Variants in ATXN1 observed in about 807,000 individuals in gnomAD.
ATXN1 encodes ataxin-1.
Under a neutral mutation model 56.4 loss-of-function variants are expected in ATXN1, and 8 were observed. The ratio of observed to expected loss-of-function variants is 0.14; its 90% CI spans 0.08 to 0.26. ATXN1 has a LOEUF of 0.26. ATXN1 is among the 10% of genes least tolerant of loss of function. The pLI is 1.00. For synonymous variants in ATXN1, 514 were observed against 494.6 expected (o/e 1.04, Z -0.52); for missense variants, 987 against 1,106.5 (o/e 0.89, Z 1.53).
chr6:16,481,294 C>A (rs920164116), intron 6 of ATXN1, among the ~76,000 whole-genome samples: 1 of 151,814 alleles, frequency 6.6e-6, no homozygotes, highest in Non-Finnish European at 1.5e-5. Context: ...TTTTTTGTAA[C>A]GCTGGAGAAT....
At chr6:16,694,958 C>T (rs1218520902) in intron 2 of ATXN1, among the ~76,000 whole-genome samples, 1 of 152,150 alleles carries the variant, frequency 6.6e-6, no homozygotes, top group Non-Finnish European at 1.5e-5. Flanking sequence ...TCCTGTCAGG[C>T]CCTTTGCTAG....
chr6:16,730,487 G>GTGTGTGTATATATATATATATATATA (rs141836403), intron 2 of ATXN1, among the ~76,000 whole-genome samples: 1 of 132,058 alleles, frequency 7.6e-6, no homozygotes, highest in Non-Finnish European at 1.7e-5. Flanking sequence ...AAAACAGTAT[G>GTGTGTGTATATATATATATATATATA]TATATATATA....
chr6:16,305,765 T>A lies in ATXN1; in HGVS notation c.*564A>T, dbSNP rs1321777239. On this transcript the variant is annotated 3_prime_UTR_variant, in exon 8 of 8. Coordinates refer to ENST00000436367, the MANE Select transcript of ATXN1 (RefSeq NM_001128164.2). ...AATGGTTAACTTTCCAAATCTGCCA[T>A]CTGACGCGTCTCCGCGATGCCCTGA... 6.5e-6 allele frequency: 1 copy of A among 152,684 alleles called. No homozygotes were observed. Among genetic ancestry groups the A allele is most frequent in the Non-Finnish European group, 1.5e-5 (1 of 68,160 alleles). 9.5% of individuals were successfully genotyped at this position (152,684 alleles called of 1,614,324 possible). A position where few individuals can be genotyped will look rare whatever the true frequency, so the allele number is the denominator to read the frequency against.
chr6:16,694,459 G>C (rs1759117922), intron 2 of ATXN1, among the ~76,000 whole-genome samples: 1 of 151,946 alleles, frequency 6.6e-6, no homozygotes, highest in East Asian at 1.9e-4. Context: ...TCACCATGTT[G>C]CCCAGGCTCG....
intron 6 of ATXN1, among the ~76,000 whole-genome samples, chr6:16,358,142 G>T (rs1374399046): frequency 6.6e-6 from 1 of 152,140 alleles, no homozygotes; most frequent in Non-Finnish European, 1.5e-5. Context: ...TGCAAAAATG[G>T]CCATAATAAA....
chr6:16,421,788 A>G (rs1356553285), intron 6 of ATXN1, among the ~76,000 whole-genome samples: 5 of 152,136 alleles, frequency 3.3e-5, no homozygotes, highest in Non-Finnish European at 7.3e-5. Flanking sequence ...GCAGGCGTTG[A>G]TATGCATACA....
chr6:16,639,907 A>C (rs1763676676), intron 3 of ATXN1, among the ~76,000 whole-genome samples: 1 of 152,210 alleles, frequency 6.6e-6, no homozygotes, highest in Non-Finnish European at 1.5e-5. Flanking sequence ...CAATTCTCCA[A>C]CAGTAGGCAT....
chr6:16,435,088 T>C (rs1345506063), intron 6 of ATXN1, among the ~76,000 whole-genome samples: 1 of 152,174 alleles, frequency 6.6e-6, no homozygotes, highest in Non-Finnish European at 1.5e-5. Flanking sequence ...AGGAGGACTT[T>C]TAGGCATCTG....
chr6:16,327,615 C>A lies in ATXN1; in HGVS notation c.696G>T (p.Gly232=), dbSNP rs1005626144. 1 of 1,589,060 alleles carries A rather than the reference C, an allele frequency of 6.3e-7. No individual in the cohort carries two copies. The highest frequency in any genetic ancestry group is 2.3e-5 in the East Asian group (1 of 43,684). ...QQQQHLSRAP[G]LITPGSPPPA... ...GTGGGGGGGACCCCGGGGTGATGAG[C>A]CCCGGAGCCCTGCTGAGGTGCTGCT... Residue 232 remains glycine, a synonymous_variant, in exon 7 of 8, where the codon GGG becomes GGT. Transcript: ENST00000436367.
At chr6:16,732,677 C>A (rs890426295) in intron 2 of ATXN1, among the ~76,000 whole-genome samples, 2 of 152,186 alleles carry the variant, frequency 1.3e-5, no homozygotes, top group African/African-American at 4.8e-5. Flanking sequence ...ACTGTATTTA[C>A]ACATACAAAT....
chr6:16,391,636 C>G (rs1434863254), intron 6 of ATXN1, among the ~76,000 whole-genome samples: 2 of 152,114 alleles, frequency 1.3e-5, no homozygotes, highest in African/African-American at 4.8e-5. Flanking sequence ...AACTGTAACT[C>G]TGAAGGCAAA....
chr6:16,531,783 T>C (rs1388356812), intron 4 of ATXN1, among the ~76,000 whole-genome samples: 1 of 152,162 alleles, frequency 6.6e-6, no homozygotes, highest in Non-Finnish European at 1.5e-5. Context: ...AGTAAATACT[T>C]AAAAGCAGTA....
At chr6:16,631,961 C>T (rs1351834713) in intron 3 of ATXN1, among the ~76,000 whole-genome samples, 2 of 152,182 alleles carry the variant, frequency 1.3e-5, no homozygotes, top group Non-Finnish European at 2.9e-5. Flanking sequence ...TGCATCGTAG[C>T]TATGGTGGGG....
chr6:16,338,385 AG>A (rs1761172241), intron 6 of ATXN1, among the ~76,000 whole-genome samples: 1 of 152,152 alleles, frequency 6.6e-6, no homozygotes, highest in East Asian at 1.9e-4. Context: ...CCCAGCTACG[AG>A]GGAGGCTAAG....
chr6:16,475,337 T>TCTCTA (rs1760304422), intron 6 of ATXN1, among the ~76,000 whole-genome samples: 1 of 152,200 alleles, frequency 6.6e-6, no homozygotes. Context: ...AGCAGAAATG[T>TCTCTA]CTCTACAACA....
chr6:16,738,636 A>T (rs940740404), intron 2 of ATXN1: 6 of 152,240 alleles, frequency 3.9e-5, no homozygotes, highest in African/African-American at 1.4e-4. Context: ...TTATAGTTGC[A>T]AATGGCTTCA....
intron 4 of ATXN1, among the ~76,000 whole-genome samples, chr6:16,559,136 G>A (rs574837116): frequency 1.3e-5 from 2 of 152,182 alleles, no homozygotes; most frequent in South Asian, 2.1e-4. Context: ...TAAAAACATC[G>A]TCTGTGGAGA....
chr6:16,570,691 G>C (rs2113749901), intron 4 of ATXN1, among the ~76,000 whole-genome samples: 1 of 152,296 alleles, frequency 6.6e-6, no homozygotes, highest in East Asian at 1.9e-4. Context: ...ACAGATGAAA[G>C]TGAAGAAGAG....
chr6:16,644,929 C>T (rs1297579181), intron 3 of ATXN1, among the ~76,000 whole-genome samples: 1 of 152,154 alleles, frequency 6.6e-6, no homozygotes, highest in Non-Finnish European at 1.5e-5. Flanking sequence ...AACGGTAGAT[C>T]ATTTTTGTAG....
Sources: gnomAD v4.1 joint callset for allele counts (sites outside exome capture counted in the v4.1 genomes callset) on GRCh38, gnomAD v4.1.1 for gene constraint, MANE v1.5 for transcripts, NCBI Gene and HGNC (gene_info 2026-07-23, HGNC 2026-07-21) for gene names.